The following BEND6 variants were observed in gnomAD, a reference collection of about 807,000 sequenced individuals.
BEND6 encodes BEN domain containing 6.
In BEND6, 24 loss-of-function variants were observed where a neutral mutation model predicts 31.8. The observed-to-expected ratio is 0.75, with a 90% confidence interval of 0.55 to 1.06. The LOEUF (loss-of-function observed/expected upper bound fraction) is 1.06, where lower values mean the gene tolerates loss of function less well. BEND6 is among the 50% of genes least tolerant of loss of function. The pLI is 0.00. For synonymous variants in BEND6, 109 were observed against 114.6 expected (o/e 0.95, Z 0.31); for missense variants, 294 against 327.4 (o/e 0.90, Z 0.79).
chr6:57,000,057 G>A lies in BEND6; in HGVS notation c.298+7502G>A, dbSNP rs144673770. 6.4e-3 allele frequency among the ~76,000 whole-genome samples: 968 copies of A among 152,110 alleles called. 9 individuals carry two copies. Among genetic ancestry groups the A allele is most frequent in the African/African-American group, 0.022 (925 of 41,486 alleles). ...AAGTGAGGAGTGCCTCTGCCCGGCC[G>A]CCCCGTCTGGGAGGTGTACCCAACA... On this transcript the variant is annotated intron_variant, in intron 3 of 6. Coordinates refer to ENST00000370746, the MANE Select transcript of BEND6 (RefSeq NM_152731.3).
At chr6:56,978,737 T>C (rs1045302071) in intron 1 of BEND6, among the ~76,000 whole-genome samples, 4 of 152,238 alleles carry the variant, frequency 2.6e-5, no homozygotes, top group Non-Finnish European at 5.9e-5. Context: ...GGCAAAGTTT[T>C]ACTGCAAATA....
chr6:56,980,116 A>G (rs1826017931), intron 1 of BEND6, among the ~76,000 whole-genome samples: 2 of 152,228 alleles, frequency 1.3e-5, no homozygotes, highest in Non-Finnish European at 2.9e-5. Flanking sequence ...GGAGCTAGGA[A>G]GCCAGCAGGG....
chr6:56,989,414 C>G (rs1049580288), intron 2 of BEND6, among the ~76,000 whole-genome samples: 1 of 152,110 alleles, frequency 6.6e-6, no homozygotes, highest in African/African-American at 2.4e-5. Context: ...CCATTATGAA[C>G]AACAGTGTTA....
chr6:56,966,013 AT>A (rs1261890182), intron 1 of BEND6, among the ~76,000 whole-genome samples: 4 of 152,210 alleles, frequency 2.6e-5, no homozygotes, highest in Non-Finnish European at 5.9e-5. Flanking sequence ...AACACTTCAC[AT>A]GACTTATAGT....
chr6:56,982,744 C>G (rs1215389442), intron 2 of BEND6, among the ~76,000 whole-genome samples: 2 of 152,058 alleles, frequency 1.3e-5, no homozygotes, highest in Non-Finnish European at 2.9e-5. Context: ...CTACCCTGTT[C>G]CTGCCACCAG....
chr6:56,959,068 T>C (rs541381145), intron 1 of BEND6, among the ~76,000 whole-genome samples: 1 of 152,246 alleles, frequency 6.6e-6, no homozygotes, highest in South Asian at 2.1e-4. Context: ...TCTAGGGAAT[T>C]TGGGAGATGG....
intron 1 of BEND6, among the ~76,000 whole-genome samples, chr6:56,967,699 C>G (rs1825535221): frequency 1.3e-5 from 2 of 152,162 alleles, no homozygotes; most frequent in Non-Finnish European, 2.9e-5. Context: ...GGGAATGGTA[C>G]TACAGGGCAA....
In BEND6 at chr6:56,956,030, G is replaced by T. The variant is rs545539979; in HGVS notation, c.-101+570G>T. 2.6e-5 allele frequency among the ~76,000 whole-genome samples: 4 copies of T among 152,354 alleles called. No homozygotes were observed. In the South Asian group the frequency reaches 8.3e-4, roughly 32 times the overall value. ...GGCCACGGCCACCTGGCCAGGAAGC[G>T]GCTGCTGCAGCAGTCATTCTGCGGC... On this transcript the variant is annotated intron_variant, in intron 1 of 6. Coordinates refer to ENST00000370746, the MANE Select transcript of BEND6 (RefSeq NM_152731.3).
intron 1 of BEND6, among the ~76,000 whole-genome samples, chr6:56,967,836 C>A (rs566086999): frequency 6.6e-6 from 1 of 152,312 alleles, no homozygotes; most frequent in Admixed American, 6.5e-5. Context: ...CTTGAGCGTG[C>A]TTATGGATTA....
intron 3 of BEND6, among the ~76,000 whole-genome samples, chr6:56,994,200 C>G (rs551747937): frequency 2.6e-5 from 4 of 151,848 alleles, no homozygotes; most frequent in Non-Finnish European, 5.9e-5. Flanking sequence ...TGGCTCACGC[C>G]TGTAATTCCA....
At chr6:57,007,954 A>C (rs1463617650) in intron 3 of BEND6, among the ~76,000 whole-genome samples, 1 of 152,214 alleles carries the variant, frequency 6.6e-6, no homozygotes, top group African/African-American at 2.4e-5. Context: ...AGATAATTCC[A>C]CCAGACCAAC....
chr6:56,997,477 C>A (rs948973840), intron 3 of BEND6, among the ~76,000 whole-genome samples: 15 of 152,192 alleles, frequency 9.9e-5, no homozygotes, highest in African/African-American at 3.6e-4. Context: ...GTAAAGTTGG[C>A]AATTGACTAG....
rs140465236 is a variant in BEND6 at position 57,022,460 on chromosome 6, C to A, written c.*10-3622C>A. On this transcript the variant is annotated intron_variant, in intron 6 of 6. Coordinates refer to ENST00000370746, the MANE Select transcript of BEND6 (RefSeq NM_152731.3). ...TAATGAGTCTTTGTATTTGTGTGGT[C>A]TCGGTTATTATGTATCCTTTTCCAT... Among the ~76,000 whole-genome samples the A allele has an allele frequency of 3.3e-5, 5 of 150,780 alleles. No individual in the cohort carries two copies. The East Asian group carries it at 9.8e-4, about 30-fold the overall frequency.
intron 6 of BEND6, among the ~76,000 whole-genome samples, chr6:57,025,569 T>C (rs1827874851): frequency 1.3e-5 from 2 of 152,226 alleles, no homozygotes; most frequent in South Asian, 4.1e-4. Context: ...TCAGGGGACC[T>C]GTGGAACACA....
chr6:56,990,727 T>A (rs1053395150), intron 2 of BEND6, among the ~76,000 whole-genome samples: 1 of 152,222 alleles, frequency 6.6e-6, no homozygotes. Flanking sequence ...TAAAACCAAT[T>A]TATTAGGTTA....
chr6:56,974,819 C>T (rs1825817533), intron 1 of BEND6, among the ~76,000 whole-genome samples: 1 of 152,132 alleles, frequency 6.6e-6, no homozygotes, highest in African/African-American at 2.4e-5. Flanking sequence ...CCATCACATA[C>T]TCTATTTAAA....
chr6:56,987,163 A>G (rs1269142375), intron 2 of BEND6, among the ~76,000 whole-genome samples: 1 of 151,642 alleles, frequency 6.6e-6, no homozygotes, highest in African/African-American at 2.4e-5. Context: ...TATTTTTAGT[A>G]GAGACGAGGT....
intron 6 of BEND6, among the ~76,000 whole-genome samples, chr6:57,020,525 A>G (rs1827706417): frequency 6.6e-6 from 1 of 151,972 alleles, no homozygotes; most frequent in Admixed American, 6.6e-5. Context: ...GGTTCAAGCA[A>G]TCCTCCCGCC....
At chr6:57,015,742 T>C (rs747959070) in intron 4 of BEND6, among the ~76,000 whole-genome samples, 7 of 150,880 alleles carry the variant, frequency 4.6e-5, no homozygotes, top group Admixed American at 1.3e-4. Flanking sequence ...GAGGTGGAGC[T>C]TGCAGTGAGC....
Sources: allele counts gnomAD v4.1 joint callset (sites outside exome capture counted in the v4.1 genomes callset), GRCh38; gene constraint gnomAD v4.1.1; transcripts MANE v1.5; gene names NCBI Gene and HGNC (gene_info 2026-07-23, HGNC 2026-07-21).